Variants in STK33 observed in about 807,000 individuals in gnomAD.
STK33 encodes the protein serine/threonine kinase 33.
Under a neutral mutation model 58.0 loss-of-function variants are expected in STK33, and 52 were observed. The observed-to-expected ratio is 0.90, with a 90% CI of 0.72 to 1.13. STK33 has a LOEUF of 1.13. Ranked by LOEUF, STK33 falls within the 50% of genes most tolerant of loss-of-function variation. The pLI is 0.00. For synonymous variants in STK33, 215 were observed against 200.1 expected, an observed-to-expected ratio of 1.07 and a Z score of -0.63; for missense variants, 630 against 604.2, an observed-to-expected ratio of 1.04 and a Z score of -0.45.
At chr11:8,365,480 C>T in the STK33 span, among the ~76,000 whole-genome samples, 1 of 152,232 alleles carries the variant, frequency 6.6e-6, no homozygotes, top group Non-Finnish European at 1.5e-5. Context: ...AAATTCAGTG[C>T]AGCCAGCCAT....
At chr11:8,445,008 C>A (rs1815597476) in intron 11 of STK33, among the ~76,000 whole-genome samples, 4 of 152,158 alleles carry the variant, frequency 2.6e-5, no homozygotes, top group Admixed American at 2.6e-4. Flanking sequence ...GATATTGATT[C>A]TTCCTATCCA....
At chr11:8,363,967 C>G in the STK33 span, among the ~76,000 whole-genome samples, 1,070 of 152,300 alleles carry the variant, frequency 7.0e-3, 8 homozygotes, top group African/African-American at 0.025. Context: ...AGGCAAGCAT[C>G]TTTTCTATGT....
chr11:8,491,585 TACAGAGA>T (rs1950614971), intron 1 of STK33, among the ~76,000 whole-genome samples: 4 of 152,160 alleles, frequency 2.6e-5, no homozygotes, highest in South Asian at 4.2e-4. Flanking sequence ...ATTCAGGAAA[TACAGAGA>T]ACACCATAAA....
At chr11:8,380,124 T>C in the STK33 span, among the ~76,000 whole-genome samples, 2 of 152,252 alleles carry the variant, frequency 1.3e-5, no homozygotes, top group Non-Finnish European at 2.9e-5. Context: ...GAAAAATTTA[T>C]ATTCCTTTGG....
chr11:8,451,203 T>G (rs992260251), intron 11 of STK33, among the ~76,000 whole-genome samples: 1 of 152,158 alleles, frequency 6.6e-6, no homozygotes, highest in African/African-American at 2.4e-5. Context: ...TAACATATGA[T>G]CCAACAATTT....
chr11:8,343,460 G>C, the STK33 span, among the ~76,000 whole-genome samples: 3 of 152,346 alleles, frequency 2.0e-5, no homozygotes, highest in South Asian at 4.1e-4. Flanking sequence ...CCGTGGCAGT[G>C]AAAGCCTGGC....
intron 1 of STK33, among the ~76,000 whole-genome samples, chr11:8,499,752 G>A (rs1382389627): frequency 6.6e-6 from 1 of 151,662 alleles, no homozygotes; most frequent in African/African-American, 2.4e-5. Context: ...AAAAAAGGAT[G>A]AGTTCATGTC....
At position 8,464,723 on chromosome 11, in the gene STK33, CT is replaced by C. The variant is rs1485973228; in HGVS notation, c.438del (p.Val147Ter). 2 of 1,612,696 alleles carry C rather than the reference CT, an allele frequency of 1.2e-6. No individual in the cohort carries two copies. The highest frequency in any genetic ancestry group is 2.7e-5 in the African/African-American group (2 of 74,786). ...ATGAGCCTTACCTTTTCTTTGTTCA[CT>C]TTTTTAATTGCCCACTTCGTTTCTG... ...KETETKWAIK[K>X]VNKEKAGSSA... On this transcript the variant is annotated frameshift_variant, in exon 7 of 16. Coordinates refer to ENST00000687296, the MANE Select transcript of STK33 (RefSeq NM_001352389.2). LOFTEE classifies it high-confidence loss of function.
intron 1 of STK33, among the ~76,000 whole-genome samples, chr11:8,515,124 T>C (rs1050774474): frequency 2.0e-5 from 3 of 151,538 alleles, no homozygotes; most frequent in Non-Finnish European, 2.9e-5. Context: ...ATACAAAATA[T>C]TGAAAAGAAT....
At chr11:8,548,464 T>C (rs1956092900) in intron 1 of STK33, among the ~76,000 whole-genome samples, 1 of 152,246 alleles carries the variant, frequency 6.6e-6, no homozygotes. Flanking sequence ...TCCATTGGTC[T>C]ATGTGTCCAT....
intron 1 of STK33, among the ~76,000 whole-genome samples, chr11:8,563,677 A>G (rs1957261109): frequency 6.6e-6 from 1 of 152,202 alleles, no homozygotes; most frequent in Non-Finnish European, 1.5e-5. Context: ...CATAATACAC[A>G]AAGTGAAGGA....
At chr11:8,375,196 T>A in the STK33 span, among the ~76,000 whole-genome samples, 1 of 152,256 alleles carries the variant, frequency 6.6e-6, no homozygotes, top group Non-Finnish European at 1.5e-5. Context: ...TACTATTAAT[T>A]TAGCTTCATC....
chr11:8,461,502 G>T (rs1030625394), intron 8 of STK33, among the ~76,000 whole-genome samples: 12 of 152,088 alleles, frequency 7.9e-5, no homozygotes, highest in African/African-American at 2.7e-4. Context: ...CAAAGCAAAA[G>T]GAAAGGCACC....
chr11:8,483,731 C>T (rs144776124), intron 1 of STK33, among the ~76,000 whole-genome samples: 152 of 152,206 alleles, frequency 1.0e-3, no homozygotes, highest in African/African-American at 3.5e-3. Flanking sequence ...TACTGCCGAA[C>T]GAACATATTA....
chr11:8,370,496 C>T, the STK33 span, among the ~76,000 whole-genome samples: 5 of 152,094 alleles, frequency 3.3e-5, no homozygotes, highest in African/African-American at 1.2e-4. Flanking sequence ...CCTGCCAGGC[C>T]CCAAAGCTGA....
intron 1 of STK33, among the ~76,000 whole-genome samples, chr11:8,566,689 C>A (rs1957465481): frequency 6.6e-6 from 1 of 152,162 alleles, no homozygotes. Flanking sequence ...AAAATCTATT[C>A]TGCTACCCAA....
In STK33 at chr11:8,420,998, A is replaced by AG. The variant is rs755969162; in HGVS notation, c.1147-7307dup. Among the ~76,000 whole-genome samples the AG allele has an allele frequency of 2.7e-4, 40 of 147,902 alleles. 1 individual carries two copies. The East Asian group carries it at 7.7e-3, about 28-fold the overall frequency. ...GCCCTGTCTGAAAAAAAAAAAGGGG[A>AG]GGGGGGGAATATTTTTTGTTTTAGT... On this transcript the variant is annotated intron_variant, in intron 14 of 15. Coordinates refer to ENST00000687296, the MANE Select transcript of STK33 (RefSeq NM_001352389.2).
chr11:8,444,842 T>A (rs1011753115), intron 11 of STK33, among the ~76,000 whole-genome samples: 1 of 152,160 alleles, frequency 6.6e-6, no homozygotes, highest in Non-Finnish European at 1.5e-5. Context: ...AATTTCAAAC[T>A]ATTATTAGAT....
intron 15 of STK33, among the ~76,000 whole-genome samples, chr11:8,402,075 A>G (rs556210726): frequency 9.8e-5 from 15 of 152,356 alleles, no homozygotes; most frequent in African/African-American, 3.6e-4. Flanking sequence ...TCAGGGATCT[A>G]GAATTAGAAT....
Sources: gnomAD v4.1 joint callset for allele counts (sites outside exome capture counted in the v4.1 genomes callset) on GRCh38, gnomAD v4.1.1 for gene constraint, MANE v1.5 for transcripts, NCBI Gene and HGNC (gene_info 2026-07-23, HGNC 2026-07-21) for gene names.